Variants in JCAD observed in about 807,000 individuals in gnomAD.
JCAD encodes the protein junctional cadherin 5 associated.
JCAD carries 40 observed loss-of-function variants against 98.0 expected under a neutral mutation model. That is an observed-to-expected ratio of 0.41 (90% CI 0.32 to 0.53). JCAD has a LOEUF of 0.53. Among genes scored for constraint, JCAD ranks in the 20% least tolerant of loss-of-function variants. The pLI is 0.31. For missense variants in JCAD, 1,705 were observed against 1,738.1 expected, an observed-to-expected ratio of 0.98 and a Z score of 0.34; for synonymous variants, 691 against 682.3, an observed-to-expected ratio of 1.01 and a Z score of -0.20.
At chr10:30,088,105 C>T (rs866884571) in intron 1 of JCAD, among the ~76,000 whole-genome samples, 30 of 152,334 alleles carry the variant, frequency 2.0e-4, no homozygotes, top group African/African-American at 7.0e-4. Context: ...TCCCAAAGTG[C>T]TGGGATTACA....
chr10:30,014,656 CT>C lies in JCAD; in HGVS notation c.*3226del, dbSNP rs1267808904. On this transcript the variant is annotated 3_prime_UTR_variant, in exon 4 of 4. Coordinates refer to ENST00000375377, the MANE Select transcript of JCAD (RefSeq NM_020848.4). ...GTTGTTTCAACAGATCAGCTTCATC[CT>C]TTTTCTTCAGAAGCCCCAAACCGAG... The C allele has an allele frequency of 6.6e-6, 1 of 152,120 alleles. No individual in the cohort carries two copies. Among genetic ancestry groups the C allele is most frequent in the Non-Finnish European group, 1.5e-5 (1 of 68,012 alleles). 9.4% of individuals were successfully genotyped at this position (152,120 alleles called of 1,614,324 possible).
At chr10:30,084,825 CTATCTGTG>C (rs1243005629) in intron 1 of JCAD, among the ~76,000 whole-genome samples, 2 of 151,138 alleles carry the variant, frequency 1.3e-5, no homozygotes, top group Non-Finnish European at 2.9e-5. Context: ...ATCTATCTAT[CTATCTGTG>C]TATCTATCCA....
chr10:30,092,512 C>T (rs1838301903), intron 1 of JCAD, among the ~76,000 whole-genome samples: 1 of 152,108 alleles, frequency 6.6e-6, no homozygotes, highest in Non-Finnish European at 1.5e-5. Flanking sequence ...TTTTAGTTTA[C>T]CAAACCTGGG....
chr10:30,061,745 T>TC, upstream of JCAD, among the ~76,000 whole-genome samples: 1 of 151,268 alleles, frequency 6.6e-6, no homozygotes, highest in African/African-American at 2.4e-5. Flanking sequence ...TTTTTTTTTT[T>TC]CTGGGGAGTC....
At chr10:30,024,916 C>T (rs896676951) in intron 3 of JCAD, among the ~76,000 whole-genome samples, 3 of 151,918 alleles carry the variant, frequency 2.0e-5, no homozygotes, top group Admixed American at 6.6e-5. Context: ...AGGATGGTCT[C>T]GATCTCCTGA....
chr10:30,062,790 G>A (rs927603529), upstream of JCAD, among the ~76,000 whole-genome samples: 4 of 152,094 alleles, frequency 2.6e-5, no homozygotes, highest in South Asian at 2.1e-4. Context: ...AAAAACCCGC[G>A]TCCATGATTC....
Position 30,029,133 on chromosome 10 carries a change from C to G in JCAD, c.1015G>C (p.Val339Leu), listed in dbSNP as rs1836924543. ...CTGTATGAGGGCGGAGGCACGTACA[C>G]TGGAGGTTCCAATCCAGGGTCTGAC... Reference protein sequence around the residue: ...CLSDPGLEPPVYVPPPSYRSP... With the variant: ...CLSDPGLEPPLYVPPPSYRSP... Residue 339 changes from valine (V) to leucine (L), a missense_variant, in exon 3 of 4, where the codon GTG becomes CTG. Around this residue, in one of 3 missense-constraint regions of JCAD, gnomAD observed 275 missense variants for 346.9 expected, o/e 0.79. Coordinates refer to ENST00000375377, the MANE Select transcript of JCAD (RefSeq NM_020848.4). The G allele has an allele frequency of 1.2e-6, 2 of 1,614,166 alleles. No individual in the cohort carries two copies. The highest frequency in any genetic ancestry group is 1.7e-6 in the Non-Finnish European group (2 of 1,180,032).
chr10:30,058,671 C>G (rs963447147), intron 1 of JCAD, among the ~76,000 whole-genome samples: 1 of 152,118 alleles, frequency 6.6e-6, no homozygotes, highest in African/African-American at 2.4e-5. Flanking sequence ...TGGGGGTGAA[C>G]GGACCCCGAC....
intron 1 of JCAD, among the ~76,000 whole-genome samples, chr10:30,088,958 A>G (rs944154469): frequency 7.2e-5 from 11 of 152,228 alleles, no homozygotes; most frequent in African/African-American, 2.4e-4. Context: ...AGCCTGGGCG[A>G]CAGAGCGAGA....
rs977606012 is a variant in JCAD at position 30,028,447 on chromosome 10, G to A, written c.1701C>T (p.Thr567=). The change falls in exon 3 of 4, where the codon ACC becomes ACT. Residue 567 remains threonine, a synonymous_variant. Transcript: ENST00000375377. ...KLKKFQTGTR[T]KKSSKKKMNE... is the part of the protein sequence containing the mutation. ...TCATTTTTTTCTTTGAACTTTTCTT[G>A]GTCCGAGTCCCAGTTTGGAACTTTT... 6.2e-7 allele frequency: 1 copy of A among 1,614,150 alleles called. No homozygotes were observed.
intron 1 of JCAD, among the ~76,000 whole-genome samples, chr10:30,074,272 TGCCAAGCAGGCAACTG>T (rs1837942724): frequency 6.6e-6 from 1 of 152,118 alleles, no homozygotes; most frequent in Admixed American, 6.5e-5. Flanking sequence ...AATTGGAGGA[TGCCAAGCAGGCAACTG>T]GCCAAGCAGA....
At chr10:30,097,578 C>T (rs1838393712) in intron 1 of JCAD, among the ~76,000 whole-genome samples, 1 of 152,014 alleles carries the variant, frequency 6.6e-6, no homozygotes. Context: ...TGAAACCCTG[C>T]ATCTACTAAA....
chr10:30,078,868 G>A (rs1407643306), intron 1 of JCAD, among the ~76,000 whole-genome samples: 1 of 152,206 alleles, frequency 6.6e-6, no homozygotes. Context: ...GTACACGCCA[G>A]TAAAAGAAGG....
chr10:30,078,248 T>C (rs1041006275), intron 1 of JCAD, among the ~76,000 whole-genome samples: 1 of 152,230 alleles, frequency 6.6e-6, no homozygotes, highest in African/African-American at 2.4e-5. Context: ...GTATGAAGCC[T>C]ATTTCTTCAC....
intron 1 of JCAD, among the ~76,000 whole-genome samples, chr10:30,094,473 A>C (rs1002603602): frequency 3.3e-5 from 5 of 152,152 alleles, no homozygotes; most frequent in African/African-American, 1.2e-4. Flanking sequence ...AAACCACAAC[A>C]AAAACAAAAC....
chr10:30,050,314 CA>C (rs61421356), intron 1 of JCAD, among the ~76,000 whole-genome samples: 2,935 of 41,764 alleles, frequency 0.07, 96 homozygotes, highest in African/African-American at 0.19. Flanking sequence ...GACCCTGTCT[CA>C]AAAAAAAAAA....
In JCAD at chr10:30,052,033, T is replaced by C. The variant is rs1022610310; in HGVS notation, c.-59-4162A>G. Among the ~76,000 whole-genome samples the C allele has an allele frequency of 9.2e-5, 14 of 152,370 alleles. No individual in the cohort carries two copies. In the South Asian group the frequency reaches 1.7e-3, roughly 18 times the overall value. ...TAATGATTTGTCCTTCCAAAGAACC[T>C]GAATAAGACCACTTGCAGTGATCTT... On this transcript the variant is annotated intron_variant, in intron 1 of 3. Coordinates refer to ENST00000375377, the MANE Select transcript of JCAD (RefSeq NM_020848.4).
intron 2 of JCAD, among the ~76,000 whole-genome samples, chr10:30,033,339 T>A (rs1038671553): frequency 2.6e-5 from 4 of 152,208 alleles, no homozygotes; most frequent in Non-Finnish European, 5.9e-5. Context: ...CTAAAACACT[T>A]TGAAAAACAC....
Position 30,103,495 on chromosome 10 carries a change from G to A in JCAD, n.128+11872C>T, listed in dbSNP as rs1009278854. 5.9e-5 allele frequency among the ~76,000 whole-genome samples: 9 copies of A among 152,082 alleles called. No homozygotes were observed. In the South Asian group the frequency reaches 6.2e-4, roughly 10 times the overall value. ...TTAAGAGTTGGAAGGAACTTCAAAC[G>A]TTGTATGTCAAATGTTAAAATAAAT... On this transcript the variant is annotated intron_variant and non_coding_transcript_variant, in intron 1 of 2. Coordinates refer to the JCAD transcript ENST00000465712.
Sources: allele counts gnomAD v4.1 joint callset (sites outside exome capture counted in the v4.1 genomes callset), GRCh38; gene constraint gnomAD v4.1.1; regional missense constraint gnomAD v4.1.1; transcripts MANE v1.5; gene names NCBI Gene and HGNC (gene_info 2026-07-23, HGNC 2026-07-21).